The following PRKCB variants were observed in gnomAD, a reference collection of about 807,000 sequenced individuals.
PRKCB encodes protein kinase C beta type.
Under a neutral mutation model 81.5 loss-of-function variants are expected in PRKCB, and 13 were observed. The ratio of observed to expected loss-of-function variants is 0.16; its 90% CI spans 0.10 to 0.25. The LOEUF is 0.25. Ranked by LOEUF, PRKCB falls within the 10% of genes least tolerant of loss-of-function variation. The probability of loss-of-function intolerance (pLI) is 1.00; values close to 1 mark genes in which losing one functional copy is unlikely to be tolerated. For synonymous variants in PRKCB, 335 were observed against 321.4 expected, an observed-to-expected ratio of 1.04 and a Z score of -0.45; for missense variants, 509 against 875.7, an observed-to-expected ratio of 0.58 and a Z score of 5.29.
chr16:24,071,309 G>A (rs1285349001), intron 5 of PRKCB, among the ~76,000 whole-genome samples: 1 of 151,758 alleles, frequency 6.6e-6, no homozygotes, highest in East Asian at 1.9e-4. Context: ...GCATTGCCTT[G>A]AAAACAAAAC....
chr16:24,092,122 A>G (rs937447194), intron 5 of PRKCB, among the ~76,000 whole-genome samples: 4 of 152,154 alleles, frequency 2.6e-5, no homozygotes, highest in Admixed American at 1.3e-4. Flanking sequence ...GTTCTCAGAA[A>G]TTTTCATCAC....
At chr16:23,948,526 C>T (rs994880396) in intron 2 of PRKCB, among the ~76,000 whole-genome samples, 1 of 152,102 alleles carries the variant, frequency 6.6e-6, no homozygotes. Flanking sequence ...GCCGCAGCCT[C>T]CCAGGTAGCT....
intron 7 of PRKCB, among the ~76,000 whole-genome samples, chr16:24,101,574 A>C (rs1273923112): frequency 6.6e-6 from 1 of 152,228 alleles, no homozygotes; most frequent in Non-Finnish European, 1.5e-5. Context: ...ATAAAAAATG[A>C]AGTTGAACTG....
chr16:24,069,490 C>A (rs1015608590), intron 5 of PRKCB, among the ~76,000 whole-genome samples: 12 of 152,038 alleles, frequency 7.9e-5, no homozygotes, highest in Non-Finnish European at 1.3e-4. Flanking sequence ...TGCCTGTAAT[C>A]CCACCTCTTT....
intron 3 of PRKCB, among the ~76,000 whole-genome samples, chr16:23,991,002 C>G (rs1354239811): frequency 6.6e-6 from 1 of 152,200 alleles, no homozygotes; most frequent in Non-Finnish European, 1.5e-5. Flanking sequence ...CTTTGAATCC[C>G]CTTCTTGAAA....
chr16:24,180,089 C>G (rs745444911), intron 12 of PRKCB, among the ~76,000 whole-genome samples: 35 of 152,114 alleles, frequency 2.3e-4, no homozygotes, highest in Non-Finnish European at 4.9e-4. Context: ...GGACTACAGG[C>G]GCCCACGACC....
chr16:23,836,654 CGG>C (rs1239413475), intron 1 of PRKCB, among the ~76,000 whole-genome samples: 5 of 151,598 alleles, frequency 3.3e-5, no homozygotes, highest in Non-Finnish European at 7.4e-5. Flanking sequence ...TAGGAGCGCG[CGG>C]GGTCTGTGCC....
At chr16:23,968,535 A>T (rs1283809028) in intron 2 of PRKCB, among the ~76,000 whole-genome samples, 1 of 152,170 alleles carries the variant, frequency 6.6e-6, no homozygotes, top group Non-Finnish European at 1.5e-5. Context: ...AGGGAGGAAG[A>T]GGGGGAAGAA....
intron 7 of PRKCB, among the ~76,000 whole-genome samples, chr16:24,106,600 G>T (rs970560590): frequency 6.6e-6 from 1 of 152,126 alleles, no homozygotes; most frequent in African/African-American, 2.4e-5. Context: ...TGGAATTGAT[G>T]ACTTTAAGCA....
intron 3 of PRKCB, among the ~76,000 whole-genome samples, chr16:24,027,619 C>T (rs957626922): frequency 4.4e-4 from 67 of 152,134 alleles, no homozygotes; most frequent in African/African-American, 1.5e-3. Context: ...GTGCTCTGGA[C>T]GAGTACTTCA....
rs1256821856 is a variant in PRKCB, at chr16:24,219,342, A to G, written c.*4526A>G. 1 of 985,302 alleles carries G rather than the reference A, an allele frequency of 1.0e-6. No individual in the cohort carries two copies. The allele number at this position is 985,302 out of a possible 1,614,324, so 61.0% of individuals were successfully genotyped here. On this transcript the variant is annotated 3_prime_UTR_variant, in exon 17 of 17. Coordinates refer to ENST00000643927, the MANE Select transcript of PRKCB (RefSeq NM_002738.7). ...CTCTTATAGTTTGTTGACACATGCT[A>G]AAAATGTCTTTGGAGAGAACTTCTG...
chr16:24,023,077 T>C (rs79554768), intron 3 of PRKCB, among the ~76,000 whole-genome samples: 13 of 152,180 alleles, frequency 8.5e-5, no homozygotes, highest in African/African-American at 2.4e-4. Flanking sequence ...GTCTTTTTTT[T>C]TGTTTTTGAG....
intron 9 of PRKCB, among the ~76,000 whole-genome samples, chr16:24,150,728 A>G (rs1967067460): frequency 6.6e-6 from 1 of 152,216 alleles, no homozygotes; most frequent in Non-Finnish European, 1.5e-5. Context: ...ATAAAGTTTT[A>G]TTAGACTACG....
chr16:23,881,978 CTTT>C (rs1567300921), intron 2 of PRKCB, among the ~76,000 whole-genome samples: 4 of 21,824 alleles, frequency 1.8e-4, no homozygotes. Flanking sequence ...TTCTTTCTTT[CTTT>C]CTTTCTTTCT....
In PRKCB at chr16:24,185,072, A is replaced by T. The variant is rs760877956; in HGVS notation, c.1534-39A>T. On this transcript the variant is annotated intron_variant, in intron 13 of 16. Transcript: ENST00000643927. ...AAATCTGTCTCCAGAAGAAACATGA[A>T]CTGCAAACCTCCCTGATAGGGTGCC... is the stretch of plus-strand genomic sequence containing the variant. The T allele has an allele frequency of 1.9e-6, 3 of 1,548,400 alleles. No individual in the cohort carries two copies. In the African/African-American group the frequency reaches 4.1e-5, roughly 21 times the overall value.
At position 24,154,865 on chromosome 16, in the gene PRKCB, G is replaced by T; in HGVS notation, c.1239+8G>T. 1 of 1,612,106 alleles carries T rather than the reference G, an allele frequency of 6.2e-7. No individual in the cohort carries two copies. Among genetic ancestry groups the T allele is most frequent in the Non-Finnish European group, 8.5e-7 (1 of 1,179,166 alleles). ...TCCTGCTTCCAGACCATGGTAACTT[G>T]TCCCATGGCCCTGGGTATTCCACCT... is the stretch of plus-strand genomic sequence containing the variant. On this transcript the variant is annotated splice_region_variant and intron_variant, in intron 10 of 16. Transcript: ENST00000643927.
intron 3 of PRKCB, among the ~76,000 whole-genome samples, chr16:23,991,759 G>A (rs1167819388): frequency 1.3e-5 from 2 of 152,114 alleles, no homozygotes; most frequent in African/African-American, 2.4e-5. Context: ...TCTCCTATGC[G>A]AGCATGGTGG....
At chr16:24,210,098 G>A (rs1035770408) in intron 16 of PRKCB, among the ~76,000 whole-genome samples, 2 of 152,152 alleles carry the variant, frequency 1.3e-5, no homozygotes, top group Non-Finnish European at 2.9e-5. Context: ...ATGGGCAACA[G>A]AGCAAGACCA....
intron 2 of PRKCB, among the ~76,000 whole-genome samples, chr16:23,949,632 C>A (rs1964249949): frequency 6.6e-6 from 1 of 152,144 alleles, no homozygotes; most frequent in South Asian, 2.1e-4. Flanking sequence ...TTGCTCGGTG[C>A]CACTTACAGT....
Sources: allele counts gnomAD v4.1 joint callset (sites outside exome capture counted in the v4.1 genomes callset), GRCh38; gene constraint gnomAD v4.1.1; transcripts MANE v1.5; gene names NCBI Gene and HGNC (gene_info 2026-07-23, HGNC 2026-07-21).